Variants in CLIP3 observed in about 807,000 individuals in gnomAD.
CLIP3 encodes the protein CAP-Gly domain containing linker protein 3, also known as CAP-Gly domain-containing linker protein 3.
CLIP3 carries 15 observed loss-of-function variants against 59.4 expected under a neutral mutation model. The observed-to-expected ratio is 0.25, with a 90% CI of 0.17 to 0.39. The LOEUF is 0.39. Among genes scored for constraint, CLIP3 ranks in the 10% least tolerant of loss-of-function variants. The probability of loss-of-function intolerance (pLI) is 1.00; values close to 1 mark genes in which losing one functional copy is unlikely to be tolerated. For synonymous variants in CLIP3, 300 were observed against 321.6 expected, an observed-to-expected ratio of 0.93 and a Z score of 0.72; for missense variants, 495 against 765.7, an observed-to-expected ratio of 0.65 and a Z score of 4.17.
At position 36,017,661 on chromosome 19, in the gene CLIP3, A is replaced by G; in HGVS notation, c.1445T>C (p.Ile482Thr). ...GCTGGAAGTTTGGGCTCACCTCTGA[A>G]TACGGGATGCTGGTGCGAAGACCCC... ...RHGVFAPASRIQRIGGSTDSP... is the reference protein window; with the variant it reads ...RHGVFAPASRTQRIGGSTDSP... The change falls in exon 11 of 14, where the codon ATT (isoleucine) becomes ACT (threonine). Residue 482 changes from isoleucine to threonine, a missense_variant. Physicochemically the swap from Ile to Thr is moderately conservative, Grantham distance 89. This residue lies in a region of CLIP3 where 179 missense variants were observed against 226.2 expected (regional missense o/e 0.79). Coordinates refer to ENST00000360535, the MANE Select transcript of CLIP3 (RefSeq NM_015526.3). 1 of 1,613,878 alleles carries G rather than the reference A, an allele frequency of 6.2e-7. No individual in the cohort carries two copies. Among genetic ancestry groups the G allele is most frequent in the Non-Finnish European group, 8.5e-7 (1 of 1,179,898 alleles).
At position 36,017,696 on chromosome 19, in the gene CLIP3, G is replaced by T. The variant is rs1335810627; in HGVS notation, c.1410C>A (p.Pro470=). The change falls in exon 11 of 14, where the codon CCC becomes CCA. Residue 470 remains proline, a synonymous_variant. Coordinates refer to ENST00000360535, the MANE Select transcript of CLIP3 (RefSeq NM_015526.3). ...CTGGTGCGAAGACCCCATGCCTCGGGGGGCAAGTGAAGTACCGGACACCGA... is the reference window on the plus strand; with the variant it reads ...CTGGTGCGAAGACCCCATGCCTCGGTGGGCAAGTGAAGTACCGGACACCGA... ...SVFGVRYFTC[P]PRHGVFAPAS... The T allele has an allele frequency of 6.2e-7, 1 of 1,613,930 alleles. No homozygotes were observed. The highest frequency in any genetic ancestry group is 8.5e-7 in the Non-Finnish European group (1 of 1,179,862).
At position 36,018,954 on chromosome 19, in the gene CLIP3, C is replaced by T. The variant is rs748488607; in HGVS notation, c.1127G>A (p.Arg376Gln). The change falls in exon 9 of 14, where the codon CGG (arginine) becomes CAG (glutamine). Residue 376 changes from arginine (R) to glutamine (Q), a missense_variant. Coordinates refer to ENST00000360535, the MANE Select transcript of CLIP3 (RefSeq NM_015526.3). ...APPSSVTSTP[R>Q]TPRMDFSRVT... ...ACGGGAGAAGTCCATCCGGGGGGTC[C>T]GGGGTGTGGAGGTGACAGAGGAGGG... The T allele has an allele frequency of 9.3e-6, 15 of 1,611,512 alleles. No individual in the cohort carries two copies. Among genetic ancestry groups the T allele is most frequent in the East Asian group, 2.2e-5 (1 of 44,892 alleles).
In CLIP3 at chr19:36,018,981, G is replaced by T; in HGVS notation, c.1100C>A (p.Pro367His). The T allele has an allele frequency of 6.2e-7, 1 of 1,604,162 alleles. No individual in the cohort carries two copies. Among genetic ancestry groups the T allele is most frequent in the Non-Finnish European group, 8.5e-7 (1 of 1,175,326 alleles). Residue 367 changes from proline (P) to histidine (H), a missense_variant, in exon 9 of 14, where the codon CCC (proline) becomes CAC (histidine). Pro to His is a moderately conservative substitution (Grantham distance 77, BLOSUM62 -2). Transcript: ENST00000360535. ...VSKISKAVDAPPSSVTSTPRT... is the reference protein window; with the variant it reads ...VSKISKAVDAHPSSVTSTPRT... ...GGGTGTGGAGGTGACAGAGGAGGGGGGTGCGTCCACTGCCTTGGAGATCTT... is the reference window on the plus strand; with the variant it reads ...GGGTGTGGAGGTGACAGAGGAGGGGTGTGCGTCCACTGCCTTGGAGATCTT...
chr19:36,025,220 A>AG (rs1419498610), intron 6 of CLIP3, among the ~76,000 whole-genome samples: 1 of 152,100 alleles, frequency 6.6e-6, no homozygotes, highest in Non-Finnish European at 1.5e-5. Context: ...TCAGTGCTGT[A>AG]GGTCACGCCC....
chr19:36,025,689 G>A (rs1273378416), intron 6 of CLIP3, among the ~76,000 whole-genome samples: 1 of 152,194 alleles, frequency 6.6e-6, no homozygotes, highest in Non-Finnish European at 1.5e-5. Flanking sequence ...GAGAGGCAGG[G>A]TCTCAGGGGC....
At chr19:36,031,008 C>CTTTTTTTTTTT (rs374690845) in intron 2 of CLIP3, among the ~76,000 whole-genome samples, 34 of 77,834 alleles carry the variant, frequency 4.4e-4, no homozygotes, top group Non-Finnish European at 4.9e-4. Flanking sequence ...TTTTTCTTTT[C>CTTTTTTTTTTT]TTTTTTTTTT....
At chr19:36,017,022 A>G (rs774627326) in intron 12 of CLIP3, 43 bp from the exon 13 acceptor site, 1 of 1,601,012 alleles carries the variant, frequency 6.2e-7, no homozygotes, top group South Asian at 1.1e-5. Flanking sequence ...ATGACAGACC[A>G]CCTGTGTCCT....
chr19:36,018,315 A>G (rs1180732849), intron 9 of CLIP3, among the ~76,000 whole-genome samples: 1 of 152,256 alleles, frequency 6.6e-6, no homozygotes, highest in East Asian at 1.9e-4. Flanking sequence ...GCAGTGGCGC[A>G]GGCCTGTAAT....
Position 36,026,834 on chromosome 19 carries a change from A to G in CLIP3, c.401-87T>C, listed in dbSNP as rs551694855. ...GAGGACCCTGGGCTTCAGGGACTAT[A>G]CTTTGGGATCCGAAGCTTCGGGTTC... On this transcript the variant is annotated intron_variant, in intron 4 of 13. Coordinates refer to ENST00000360535, the MANE Select transcript of CLIP3 (RefSeq NM_015526.3). The surrounding 1 kb of genome is among the most constrained non-coding windows in gnomAD (Gnocchi z 6.3). 211 of 1,539,712 alleles carry G rather than the reference A, an allele frequency of 1.4e-4. 1 individual carries two copies. The East Asian group carries it at 3.4e-3, about 25-fold the overall frequency.
At position 36,018,798 on chromosome 19, in the gene CLIP3, CTG is replaced by C. The variant is rs1353437901; in HGVS notation, c.1183+98_1183+99del. 5.4e-6 allele frequency: 8 copies of C among 1,476,768 alleles called. No individual in the cohort carries two copies. The East Asian group carries it at 1.1e-4, about 21-fold the overall frequency. The allele number at this position is 1,476,768 out of a possible 1,614,324, so 91.5% of individuals were successfully genotyped here. A position where few individuals can be genotyped will look rare whatever the true frequency, so the allele number is the denominator to read the frequency against. On this transcript the variant is annotated intron_variant, in intron 9 of 13. Coordinates refer to ENST00000360535, the MANE Select transcript of CLIP3 (RefSeq NM_015526.3). Reference sequence around the variant, plus strand: ...GGAACTCAGAGCTTGTCTTCCAAAACTGGAGTTTGGGCCTGAGGAGAAACTGA... The same window carrying C: ...GGAACTCAGAGCTTGTCTTCCAAAACGAGTTTGGGCCTGAGGAGAAACTGA...
At chr19:36,031,120 A>G (rs953850223) in intron 2 of CLIP3, among the ~76,000 whole-genome samples, 2 of 135,842 alleles carry the variant, frequency 1.5e-5, no homozygotes, top group African/African-American at 5.6e-5. Context: ...GGTTCAAGCG[A>G]TTCTACTGCC....
intron 7 of CLIP3, among the ~76,000 whole-genome samples, chr19:36,019,734 C>T (rs897927700): frequency 6.6e-6 from 1 of 151,870 alleles, no homozygotes; most frequent in Non-Finnish European, 1.5e-5. Flanking sequence ...TCCCAAGTAG[C>T]TGGGACTACA....
intron 7 of CLIP3, among the ~76,000 whole-genome samples, chr19:36,023,488 C>G (rs1969007278): frequency 1.3e-5 from 2 of 152,166 alleles, no homozygotes; most frequent in Non-Finnish European, 2.9e-5. Flanking sequence ...TAAAACCACT[C>G]CAGCATTCAG....
chr19:36,026,656 C>T lies in CLIP3; in HGVS notation c.492G>A (p.Ala164=). Residue 164 remains alanine (A), a synonymous_variant, in exon 5 of 14, where the codon GCG becomes GCA. Transcript: ENST00000360535. The surrounding 1 kb of genome is among the most constrained non-coding windows in gnomAD (Gnocchi z 6.3). ...TLRSRWTNMN[A]LHYAAYFDVP... is the part of the protein sequence containing the mutation. ...CATCAAAATAGGCCGCGTAGTGAAGCGCGTTCATGTTGGTCCAGCGGCTGC... is the reference window on the plus strand; with the variant it reads ...CATCAAAATAGGCCGCGTAGTGAAGTGCGTTCATGTTGGTCCAGCGGCTGC... 1.2e-6 allele frequency: 2 copies of T among 1,613,122 alleles called. No homozygotes were observed. Among genetic ancestry groups the T allele is most frequent in the Non-Finnish European group, 1.7e-6 (2 of 1,179,794 alleles).
intron 7 of CLIP3, among the ~76,000 whole-genome samples, chr19:36,023,555 C>T (rs1458319586): frequency 6.6e-6 from 1 of 151,920 alleles, no homozygotes; most frequent in African/African-American, 2.4e-5. Flanking sequence ...CTTGTTGCTA[C>T]CAGAAATTAC....
chr19:36,026,937 G>A lies in CLIP3; in HGVS notation c.400+15C>T, dbSNP rs768558678. On this transcript the variant is annotated intron_variant, in intron 4 of 13. Coordinates refer to ENST00000360535, the MANE Select transcript of CLIP3 (RefSeq NM_015526.3). The surrounding 1 kb of genome is among the most constrained non-coding windows in gnomAD (Gnocchi z 6.3). ...AGGCTTTGGGGCTTATGACTTGGGGGTAGGGGGCCCTCACCGACTCCGTGG... is the reference window on the plus strand; with the variant it reads ...AGGCTTTGGGGCTTATGACTTGGGGATAGGGGGCCCTCACCGACTCCGTGG... 1.7e-5 allele frequency: 26 copies of A among 1,530,264 alleles called. No individual in the cohort carries two copies. The highest frequency in any genetic ancestry group is 4.3e-5 in the Admixed American group (2 of 45,980). 94.8% of individuals were successfully genotyped at this position (1,530,264 alleles called of 1,614,324 possible).
At position 36,015,737 on chromosome 19, in the gene CLIP3, T is replaced by C; in HGVS notation, c.*421A>G. 1 of 198,768 alleles carries C rather than the reference T, an allele frequency of 5.0e-6. No homozygotes were observed. The allele number at this position is 198,768 out of a possible 1,614,324, so 12.3% of individuals were successfully genotyped here. ...GTCTGTTACTCTTTTGCTTTGGGGG[T>C]GTGACCTATGTTTATTTCAAGAGGA... On this transcript the variant is annotated 3_prime_UTR_variant, in exon 14 of 14. Transcript: ENST00000360535.
In CLIP3 at chr19:36,032,752, T is replaced by C. The variant is rs944951636; in HGVS notation, c.-87A>G. 1.3e-5 allele frequency: 2 copies of C among 159,202 alleles called. No homozygotes were observed. The highest frequency in any genetic ancestry group is 4.8e-5 in the African/African-American group (2 of 41,658). The allele number at this position is 159,202 out of a possible 1,614,324, so 9.9% of individuals were successfully genotyped here. On this transcript the variant is annotated 5_prime_UTR_variant, in exon 1 of 14. Transcript: ENST00000360535. The surrounding 1 kb of genome is among the most constrained non-coding windows in gnomAD (Gnocchi z 4.3). ...GGGCAGACAGCGCTGGGGACCAAAGTGGAGACTGGGGAGACTGTGGGAGCA... is the reference window on the plus strand; with the variant it reads ...GGGCAGACAGCGCTGGGGACCAAAGCGGAGACTGGGGAGACTGTGGGAGCA...
rs1038229096 is a variant in CLIP3, at chr19:36,017,864, C to T, written c.1311G>A (p.Lys437=). The T allele has an allele frequency of 5.0e-6, 8 of 1,613,946 alleles. No individual in the cohort carries two copies. Among genetic ancestry groups the T allele is most frequent in the Non-Finnish European group, 5.9e-6 (7 of 1,179,930 alleles). ...CATCCTCACCTGGGGCAAAGTCTGTCTTCCCGTAGAAGCGCACGATCCCCT... is the reference window on the plus strand; with the variant it reads ...CATCCTCACCTGGGGCAAAGTCTGTTTTCCCGTAGAAGCGCACGATCCCCT... The part of the protein sequence containing the change: ...QKQGIVRFYG[K]TDFAPGYWYG... The change falls in exon 10 of 14, where the codon AAG becomes AAA. Residue 437 remains lysine (K), a synonymous_variant. Coordinates refer to ENST00000360535, the MANE Select transcript of CLIP3 (RefSeq NM_015526.3).
Sources: gnomAD v4.1 joint callset for allele counts (sites outside exome capture counted in the v4.1 genomes callset) on GRCh38, gnomAD v4.1.1 for gene constraint, gnomAD v4.1.1 regional missense constraint, Gnocchi (gnomAD v3.1) non-coding constraint, MANE v1.5 for transcripts, NCBI Gene and HGNC (gene_info 2026-07-23, HGNC 2026-07-21) for gene names.